CACNA1C: variants seen among roughly 807,000 people sequenced by gnomAD.
The protein encoded by CACNA1C is calcium voltage-gated channel subunit alpha1 C.
CACNA1C carries 30 observed loss-of-function variants against 229.0 expected under a neutral mutation model. The observed-to-expected ratio is 0.13, with a 90% CI of 0.10 to 0.18. The LOEUF (loss-of-function observed/expected upper bound fraction) is 0.18, where lower values mean the gene tolerates loss of function less well. Among genes scored for constraint, CACNA1C ranks in the 10% least tolerant of loss-of-function variants. The pLI is 1.00. For missense variants in CACNA1C, 1,658 were observed against 2,845.0 expected, an observed-to-expected ratio of 0.58 and a Z score of 9.49; for synonymous variants, 1,114 against 1,132.5, an observed-to-expected ratio of 0.98 and a Z score of 0.33.
chr12:2,417,692 G>A (rs111875578), intron 3 of CACNA1C, among the ~76,000 whole-genome samples: 22 of 151,998 alleles, frequency 1.4e-4, no homozygotes, highest in Non-Finnish European at 3.1e-4. Flanking sequence ...GTAGCAGAAC[G>A]TTCTCATTCA....
chr12:2,477,524 C>G (rs1447424632), intron 5 of CACNA1C, among the ~76,000 whole-genome samples: 1 of 152,222 alleles, frequency 6.6e-6, no homozygotes, highest in Non-Finnish European at 1.5e-5. Flanking sequence ...CCCTTCCCCA[C>G]TCTGCTCTCT....
At chr12:2,163,701 G>A (rs565143898) in intron 3 of CACNA1C, among the ~76,000 whole-genome samples, 27 of 152,230 alleles carry the variant, frequency 1.8e-4, no homozygotes, top group African/African-American at 5.3e-4. Context: ...CTCCTCCCCC[G>A]CTCCCTGGAT....
At chr12:2,213,280 G>A (rs2097988407) in intron 3 of CACNA1C, among the ~76,000 whole-genome samples, 2 of 152,112 alleles carry the variant, frequency 1.3e-5, no homozygotes, top group South Asian at 4.2e-4. Flanking sequence ...ATCCCTCCCA[G>A]GGATTTTTTT....
chr12:2,233,893 A>C (rs959159231), intron 3 of CACNA1C, among the ~76,000 whole-genome samples: 3 of 152,198 alleles, frequency 2.0e-5, no homozygotes, highest in African/African-American at 7.2e-5. Flanking sequence ...CCTACAAGTC[A>C]AGTTGGATCT....
rs536084254 is a variant in CACNA1C, at chr12:2,347,249, C to T, written c.478-101727C>T. Among the ~76,000 whole-genome samples, 91 of 152,302 alleles carry T rather than the reference C, an allele frequency of 6.0e-4. 1 individual carries two copies. In the South Asian group the frequency reaches 0.015, roughly 25 times the overall value. The stretch of plus-strand genomic sequence containing the variant: ...CTCCCCACGAACACTGCACTTTCCC[C>T]ACATCTGTCAGTGAGGAATGAACTA... On this transcript the variant is annotated intron_variant, in intron 3 of 46. Transcript: ENST00000399655.
Position 2,152,072 on chromosome 12 carries a change from T to C in CACNA1C, c.477+31642T>C, listed in dbSNP as rs1319765092. The stretch of plus-strand genomic sequence containing the variant: ...AACTCAGTCTCATTGCTATTTGTGG[T>C]AATGGTCATTTAGTTTCAGGAAAAC... On this transcript the variant is annotated intron_variant, in intron 3 of 46. Transcript: ENST00000399655. This position sits in a 1 kb window ranked among gnomAD's most constrained non-coding sequence, Gnocchi z 4.2. Among the ~76,000 whole-genome samples the C allele has an allele frequency of 1.3e-5, 2 of 152,218 alleles. No homozygotes were observed. The highest frequency in any genetic ancestry group is 4.8e-5 in the African/African-American group (2 of 41,458).
Position 2,608,502 on chromosome 12 carries a change from C to G in CACNA1C, c.3357-9C>G. 2 of 1,598,632 alleles carry G rather than the reference C, an allele frequency of 1.3e-6. No individual in the cohort carries two copies. The highest frequency in any genetic ancestry group is 1.7e-6 in the Non-Finnish European group (2 of 1,170,690). Reference sequence around the variant, plus strand: ...CAGTTCCCTCTGTGGGACCTGTCTCCTCCTGCAGGCTGCTGTACCGCTCCA... The same window carrying G: ...CAGTTCCCTCTGTGGGACCTGTCTCGTCCTGCAGGCTGCTGTACCGCTCCA... On this transcript the variant is annotated splice_polypyrimidine_tract_variant and intron_variant, in intron 26 of 46. Transcript: ENST00000399655. This position sits in a 1 kb window ranked among gnomAD's most constrained non-coding sequence, Gnocchi z 4.2.
chr12:2,450,217 T>A (rs192541671), intron 4 of CACNA1C, among the ~76,000 whole-genome samples: 80 of 152,244 alleles, frequency 5.3e-4, no homozygotes, highest in Middle Eastern at 3.4e-3. Context: ...ATAAAATATT[T>A]GTACCTAACA....
chr12:2,127,611 G>T lies in CACNA1C; in HGVS notation c.477+7181G>T, dbSNP rs117635063. ...CTGTGTAGTGGGGTGTGGAAGGCAG[G>T]GTGGAGAGCCTGTTTTTGGATGAGA... On this transcript the variant is annotated intron_variant, in intron 3 of 46. Coordinates refer to ENST00000399655, the MANE Select transcript of CACNA1C (RefSeq NM_000719.7). 9.3e-4 allele frequency among the ~76,000 whole-genome samples: 142 copies of T among 152,224 alleles called. 2 individuals carry two copies. Among genetic ancestry groups the T allele is most frequent in the South Asian group, 6.2e-3 (30 of 4,816 alleles).
intron 3 of CACNA1C, among the ~76,000 whole-genome samples, chr12:2,139,720 C>CT (rs921223199): frequency 6.6e-6 from 1 of 151,256 alleles, no homozygotes; most frequent in African/African-American, 2.4e-5. Context: ...CCAGTTATAT[C>CT]TTAGTCCTGC....
intron 14 of CACNA1C, among the ~76,000 whole-genome samples, chr12:2,582,300 A>G (rs1372898180): frequency 6.6e-6 from 1 of 152,196 alleles, no homozygotes; most frequent in Non-Finnish European, 1.5e-5. Context: ...AAATATTACT[A>G]GCCCATCAAA....
chr12:2,471,768 C>T (rs180781414), intron 5 of CACNA1C, among the ~76,000 whole-genome samples: 3 of 152,128 alleles, frequency 2.0e-5, no homozygotes, highest in African/African-American at 4.8e-5. Flanking sequence ...CTGTAACCTC[C>T]GCCTCCTGGG....
intron 3 of CACNA1C, among the ~76,000 whole-genome samples, chr12:2,248,057 T>A (rs1304431299): frequency 6.6e-6 from 1 of 152,216 alleles, no homozygotes; most frequent in East Asian, 1.9e-4. Context: ...AAAATTAAGT[T>A]CTATGTATAT....
intron 3 of CACNA1C, among the ~76,000 whole-genome samples, chr12:2,432,025 C>A (rs2099090718): frequency 6.6e-6 from 1 of 152,180 alleles, no homozygotes; most frequent in African/African-American, 2.4e-5. Context: ...AAGGGCAGGT[C>A]CCCAGCTTTT....
In CACNA1C at chr12:2,605,138, G is replaced by C; in HGVS notation, c.3018G>C (p.Leu1006=). The part of the protein sequence containing the change: ...ILRVLRVLRP[L]RAINRAKGLK... Reference sequence around the variant, plus strand: ...GAGTCCTGCGAGTACTCAGGCCCCTGAGGGCCATCAACAGGGCCAAGGGGC... The same window carrying C: ...GAGTCCTGCGAGTACTCAGGCCCCTCAGGGCCATCAACAGGGCCAAGGGGC... The change falls in exon 23 of 47, where the codon CTG becomes CTC. Residue 1006 remains leucine (L), a synonymous_variant. Coordinates refer to ENST00000399655, the MANE Select transcript of CACNA1C (RefSeq NM_000719.7). This position sits in a 1 kb window ranked among gnomAD's most constrained non-coding sequence, Gnocchi z 6.2. The C allele has an allele frequency of 3.7e-6, 6 of 1,613,738 alleles. No individual in the cohort carries two copies. The highest frequency in any genetic ancestry group is 5.1e-6 in the Non-Finnish European group (6 of 1,179,652).
chr12:2,057,835 C>T (rs2055815998), intron 1 of CACNA1C, among the ~76,000 whole-genome samples: 1 of 152,146 alleles, frequency 6.6e-6, no homozygotes, highest in South Asian at 2.1e-4. Flanking sequence ...TGCCCAAGCC[C>T]AGTGGAGCAT....
At chr12:2,189,025 G>A (rs543251725) in intron 3 of CACNA1C, among the ~76,000 whole-genome samples, 7 of 150,796 alleles carry the variant, frequency 4.6e-5, no homozygotes, top group East Asian at 2.0e-4. Flanking sequence ...CCCAGGAGGC[G>A]GAGCTTGCAG....
rs1045991760 is a variant in CACNA1C at position 2,474,851 on chromosome 12, G to A, written c.758-11253G>A. On this transcript the variant is annotated intron_variant, in intron 5 of 46. Coordinates refer to ENST00000399655, the MANE Select transcript of CACNA1C (RefSeq NM_000719.7). ...GCAGTTGAGATGATTCAGATCAACTGTCCTGCCGAGGACAATTAGAAATGC... is the reference window on the plus strand; with the variant it reads ...GCAGTTGAGATGATTCAGATCAACTATCCTGCCGAGGACAATTAGAAATGC... 2.6e-5 allele frequency among the ~76,000 whole-genome samples: 4 copies of A among 152,078 alleles called. No homozygotes were observed. In the South Asian group the frequency reaches 8.3e-4, roughly 32 times the overall value.
intron 1 of CACNA1C, among the ~76,000 whole-genome samples, chr12:2,103,791 A>C (rs1415644033): frequency 6.6e-6 from 1 of 152,238 alleles, no homozygotes; most frequent in Non-Finnish European, 1.5e-5. Context: ...AGCTTTCCGC[A>C]TATGGCTAGC....
Sources: gnomAD v4.1 joint callset for allele counts (sites outside exome capture counted in the v4.1 genomes callset) on GRCh38, gnomAD v4.1.1 for gene constraint, Gnocchi (gnomAD v3.1) non-coding constraint, MANE v1.5 for transcripts, NCBI Gene and HGNC (gene_info 2026-07-23, HGNC 2026-07-21) for gene names.